Variants in DDC observed in about 807,000 individuals in gnomAD.
DDC encodes the protein aromatic-L-amino-acid decarboxylase.
DDC carries 43 observed loss-of-function variants against 60.0 expected under a neutral mutation model. That is an observed-to-expected ratio of 0.72 (90% CI 0.56 to 0.92). The LOEUF (loss-of-function observed/expected upper bound fraction) is 0.92, where lower values mean the gene tolerates loss of function less well. Among genes scored for constraint, DDC ranks in the 40% least tolerant of loss-of-function variants. The pLI is 0.00. For missense variants in DDC, 573 were observed against 620.2 expected (o/e 0.92, Z 0.81); for synonymous variants, 232 against 234.6 (o/e 0.99, Z 0.10).
At chr7:50,477,539 A>C in intron 10 of DDC, 1 of 456,846 alleles carries the variant, frequency 2.2e-6, no homozygotes, top group Non-Finnish European at 4.4e-6. Flanking sequence ...AATACAACCC[A>C]CGCCCCACCC....
intron 9 of DDC, among the ~76,000 whole-genome samples, chr7:50,481,869 C>T (rs1362047017): frequency 6.6e-6 from 1 of 152,182 alleles, no homozygotes; most frequent in African/African-American, 2.4e-5. Flanking sequence ...TGCTTTCTTA[C>T]CCCAAAATAG....
intron 4 of DDC, chr7:50,531,710 C>G (rs1324203404): frequency 1.3e-5 from 2 of 152,044 alleles, no homozygotes; most frequent in East Asian, 1.9e-4. Flanking sequence ...CCCGATGCCA[C>G]CAGGGTGGCC....
At position 50,506,088 on chromosome 7, in the gene DDC, G is replaced by A. The variant is rs139368913; in HGVS notation, c.715-2029C>T. 4.7e-4 allele frequency among the ~76,000 whole-genome samples: 71 copies of A among 152,328 alleles called. 1 individual carries two copies. The highest frequency in any genetic ancestry group is 6.8e-3 in the Middle Eastern group (2 of 294). On this transcript the variant is annotated intron_variant, in intron 6 of 14. Transcript: ENST00000444124. ...AACCAGGCAGGGCAAGGGTGAGCAG[G>A]ATTAGGATCGGCTGGTTTGAATAAT...
chr7:50,508,778 G>C (rs1405396375), intron 6 of DDC, among the ~76,000 whole-genome samples: 2 of 152,218 alleles, frequency 1.3e-5, no homozygotes, highest in African/African-American at 4.8e-5. Context: ...CAGCTGGGCA[G>C]TGAGACAAGG....
At chr7:50,460,858 C>G (rs2042257505) in intron 14 of DDC, among the ~76,000 whole-genome samples, 2 of 151,238 alleles carry the variant, frequency 1.3e-5, no homozygotes, top group African/African-American at 2.4e-5. Flanking sequence ...GCAGCATGCT[C>G]GTTAAGAGTC....
intron 6 of DDC, among the ~76,000 whole-genome samples, chr7:50,518,820 T>C (rs2043810495): frequency 6.6e-6 from 1 of 152,220 alleles, no homozygotes; most frequent in Non-Finnish European, 1.5e-5. Flanking sequence ...CTTGTAGACA[T>C]TGGCTTAGGC....
At chr7:50,474,296 G>A (rs1239910398) in intron 11 of DDC, among the ~76,000 whole-genome samples, 3 of 152,240 alleles carry the variant, frequency 2.0e-5, no homozygotes, top group Non-Finnish European at 2.9e-5. Flanking sequence ...TTCTGGATTA[G>A]CAGTGCGGAA....
intron 7 of DDC, among the ~76,000 whole-genome samples, chr7:50,501,993 G>A (rs936785534): frequency 2.3e-4 from 35 of 152,158 alleles, no homozygotes; most frequent in Non-Finnish European, 4.1e-4. Context: ...AGAATCACTT[G>A]AACCCAGGAG....
intron 10 of DDC, 89 bp from the exon 11 acceptor site, chr7:50,476,732 T>C (rs1296124950): frequency 4.8e-6 from 6 of 1,251,886 alleles, no homozygotes; most frequent in Non-Finnish European, 5.7e-6. Context: ...CAGGTAAATT[T>C]CTTGTGTCTT....
rs4947580 is a variant in DDC, at chr7:50,495,287, C to T, written c.944+63G>A. 16,614 of 1,295,032 alleles carry T rather than the reference C, an allele frequency of 0.013. 1,009 individuals carry two copies. The Admixed American group carries it at 0.15, about 12-fold the overall frequency. The allele number at this position is 1,295,032 out of a possible 1,614,324, so 80.2% of individuals were successfully genotyped here. ...CACCCCTTTGGCTCTGGCATCTTCCCTGCCAGCTTCTTTCACTGTCACCTC... is the reference window on the plus strand; with the variant it reads ...CACCCCTTTGGCTCTGGCATCTTCCTTGCCAGCTTCTTTCACTGTCACCTC... On this transcript the variant is annotated intron_variant, in intron 9 of 14. Transcript: ENST00000444124.
At chr7:50,495,234 C>T in intron 9 of DDC, 116 bp downstream of exon 9, 1 of 771,320 alleles carries the variant, frequency 1.3e-6, no homozygotes, top group Non-Finnish European at 2.3e-6. Context: ...TCAGAAAAGG[C>T]AGCAAGCAGT....
At chr7:50,507,054 A>G (rs2043418665) in intron 6 of DDC, among the ~76,000 whole-genome samples, 1 of 152,232 alleles carries the variant, frequency 6.6e-6, no homozygotes, top group South Asian at 2.1e-4. Context: ...AGAGCATGAG[A>G]GTCTTAGAAT....
intron 1 of DDC, among the ~76,000 whole-genome samples, chr7:50,551,063 A>C (rs1460721731): frequency 6.6e-6 from 1 of 152,196 alleles, no homozygotes; most frequent in African/African-American, 2.4e-5. Flanking sequence ...CACTTATTTT[A>C]TAATTTATTT....
At chr7:50,504,468 C>T (rs11575372) in intron 6 of DDC, among the ~76,000 whole-genome samples, 16,316 of 151,074 alleles carry the variant, frequency 0.11, 1,013 homozygotes, top group African/African-American at 0.18. Context: ...TTTTAATTAA[C>T]GTTCTATGTA....
intron 11 of DDC, 111 bp downstream of exon 11, chr7:50,476,512 GC>G: frequency 9.9e-7 from 1 of 1,007,536 alleles, no homozygotes. Context: ...GTTAGAAGGT[GC>G]CCACCAGTGC....
At chr7:50,552,585 G>A (rs2045039554) in intron 1 of DDC, among the ~76,000 whole-genome samples, 1 of 152,146 alleles carries the variant, frequency 6.6e-6, no homozygotes, top group Admixed American at 6.5e-5. Flanking sequence ...TGATTGACCT[G>A]TGGGGTTATT....
chr7:50,536,370 A>G (rs2044412492), intron 4 of DDC, among the ~76,000 whole-genome samples: 1 of 152,224 alleles, frequency 6.6e-6, no homozygotes, highest in African/African-American at 2.4e-5. Context: ...CCTTGGGCAC[A>G]TGTAGTCAGG....
At chr7:50,526,394 C>T (rs545858281) in intron 6 of DDC, among the ~76,000 whole-genome samples, 2 of 151,968 alleles carry the variant, frequency 1.3e-5, no homozygotes, top group Non-Finnish European at 2.9e-5. Flanking sequence ...TTCAGATTAA[C>T]AAAACTGAGA....
intron 13 of DDC, 69 bp from the exon 14 acceptor site, chr7:50,463,500 G>A: frequency 7.4e-7 from 1 of 1,345,424 alleles, no homozygotes. Flanking sequence ...GGTCATGTAG[G>A]AAAGACAGTG....
Sources: allele counts gnomAD v4.1 joint callset (sites outside exome capture counted in the v4.1 genomes callset), GRCh38; gene constraint gnomAD v4.1.1; transcripts MANE v1.5; gene names NCBI Gene and HGNC (gene_info 2026-07-23, HGNC 2026-07-21).